The following PTP4A2 variants were observed in gnomAD, a reference collection of about 807,000 sequenced individuals.
PTP4A2 encodes the protein protein tyrosine phosphatase type IVA 2.
PTP4A2 carries 2 observed loss-of-function variants against 22.9 expected under a neutral mutation model. The ratio of observed to expected loss-of-function variants is 0.09; its 90% CI spans 0.04 to 0.27. The LOEUF (loss-of-function observed/expected upper bound fraction) is 0.27. Among genes scored for constraint, PTP4A2 ranks in the 10% least tolerant of loss-of-function variants. The probability of loss-of-function intolerance (pLI) is 1.00; values close to 1 mark genes in which losing one functional copy is unlikely to be tolerated. For synonymous variants in PTP4A2, 68 were observed against 69.1 expected (o/e 0.98, Z 0.08); for missense variants, 103 against 205.1 (o/e 0.50, Z 3.04).
chr1:31,917,106 CAGG>C (rs1177536915), intron 2 of PTP4A2, among the ~76,000 whole-genome samples: 7 of 152,174 alleles, frequency 4.6e-5, no homozygotes, highest in Admixed American at 1.3e-4. Context: ...TTTATAGTTG[CAGG>C]AGGACAGTGG....
Position 31,908,139 on chromosome 1 carries a change from ATTATATATATATATATAT to A in PTP4A2, c.*695_*712del, listed in dbSNP as rs1651302161. 1 of 4,248 alleles carries A rather than the reference ATTATATATATATATATAT, an allele frequency of 2.4e-4. No homozygotes were observed. The highest frequency in any genetic ancestry group is 3.7e-4 in the Non-Finnish European group (1 of 2,706). 0.3% of individuals were successfully genotyped at this position (4,248 alleles called of 1,614,324 possible). A position where few individuals can be genotyped will look rare whatever the true frequency, so the allele number is the denominator to read the frequency against. ...ATATATATATATATATATATATTAT[ATTATATATATATATATAT>A]ATATATATATATATATATATATATA... On this transcript the variant is annotated 3_prime_UTR_variant, in exon 6 of 6. Transcript: ENST00000647444.
chr1:31,920,772 A>C (rs968884722), intron 1 of PTP4A2, among the ~76,000 whole-genome samples: 1 of 152,022 alleles, frequency 6.6e-6, no homozygotes, highest in African/African-American at 2.4e-5. Context: ...TCCTGACCTC[A>C]GGTGATTCGC....
chr1:31,921,651 C>T (rs1027294451), intron 1 of PTP4A2: 1 of 152,134 alleles, frequency 6.6e-6, no homozygotes, highest in Non-Finnish European at 1.5e-5. Context: ...CTTTCACTTG[C>T]CTTTTCCCTA....
chr1:31,918,202 T>C (rs915364630), intron 2 of PTP4A2, among the ~76,000 whole-genome samples: 1 of 150,794 alleles, frequency 6.6e-6, no homozygotes, highest in Non-Finnish European at 1.5e-5. Context: ...TGAGCCGAGA[T>C]AGTGCCACTG....
chr1:31,921,087 A>G (rs1032224840), intron 1 of PTP4A2, among the ~76,000 whole-genome samples: 6 of 152,216 alleles, frequency 3.9e-5, no homozygotes, highest in African/African-American at 1.2e-4. Context: ...GTACTTTCCT[A>G]TATGATACTG....
chr1:31,928,066 C>T (rs1438836255), intron 1 of PTP4A2, among the ~76,000 whole-genome samples: 1 of 151,450 alleles, frequency 6.6e-6, no homozygotes, highest in Non-Finnish European at 1.5e-5. Context: ...ACAGTTCTAT[C>T]TATCCTCTGC....
At chr1:31,912,098 G>A (rs1041556550) in intron 3 of PTP4A2, among the ~76,000 whole-genome samples, 5 of 152,264 alleles carry the variant, frequency 3.3e-5, no homozygotes, top group Admixed American at 1.3e-4. Flanking sequence ...AAGAGCTAGT[G>A]TTCTCCCAAA....
At chr1:31,924,361 T>C (rs1338671767) in intron 1 of PTP4A2, among the ~76,000 whole-genome samples, 1 of 152,236 alleles carries the variant, frequency 6.6e-6, no homozygotes, top group East Asian at 1.9e-4. Flanking sequence ...AACAAGCTTC[T>C]GTTCCCTCCC....
At position 31,925,896 on chromosome 1, in the gene PTP4A2, AGCACTCTGG is replaced by A. The variant is rs988353936; in HGVS notation, c.-593-6247_-593-6239del. ...CACAGTGGCTCATGCCTGTAATCCC[AGCACTCTGG>A]GAGGCCACGGTGAGTGGATCACGAA... On this transcript the variant is annotated intron_variant, in intron 1 of 5. Coordinates refer to ENST00000647444, the MANE Select transcript of PTP4A2 (RefSeq NM_080391.4). Among the ~76,000 whole-genome samples, 76 of 152,190 alleles carry A rather than the reference AGCACTCTGG, an allele frequency of 5.0e-4. No homozygotes were observed. The Middle Eastern group carries it at 0.01, about 20-fold the overall frequency.
At chr1:31,923,079 A>G (rs1652267597) in intron 1 of PTP4A2, among the ~76,000 whole-genome samples, 1 of 148,678 alleles carries the variant, frequency 6.7e-6, no homozygotes. Flanking sequence ...TTACAGGCAT[A>G]TTTTTGTATT....
rs533694156 is a variant in PTP4A2 at position 31,919,145 on chromosome 1, T to C, written c.-80A>G. 1 of 719,646 alleles carries C rather than the reference T, an allele frequency of 1.4e-6. No homozygotes were observed. The highest frequency in any genetic ancestry group is 2.4e-5 in the Admixed American group (1 of 41,350). The allele number at this position is 719,646 out of a possible 1,614,324, so 44.6% of individuals were successfully genotyped here. On this transcript the variant is annotated 5_prime_UTR_variant, in exon 2 of 6. Coordinates refer to ENST00000647444, the MANE Select transcript of PTP4A2 (RefSeq NM_080391.4). The stretch of plus-strand genomic sequence containing the variant: ...AAAAAAATCAATAAATCTTGAAATG[T>C]TTCACAGCAGAAAACATTAAAAAGA...
chr1:31,923,329 CTTTTTTTTTTT>C (rs894382854), intron 1 of PTP4A2, among the ~76,000 whole-genome samples: 6 of 113,972 alleles, frequency 5.3e-5, no homozygotes, highest in Non-Finnish European at 7.2e-5. Context: ...GCCTCAACCT[CTTTTTTTTTTT>C]TTTTTTTTTT....
chr1:31,923,369 C>G (rs575418191), intron 1 of PTP4A2, among the ~76,000 whole-genome samples: 2 of 130,228 alleles, frequency 1.5e-5, no homozygotes, highest in African/African-American at 5.8e-5. Context: ...GAGTCTTGCT[C>G]TGTCGCCCAG....
chr1:31,936,484 C>T (rs1334985513), intron 1 of PTP4A2, among the ~76,000 whole-genome samples: 2 of 151,866 alleles, frequency 1.3e-5, no homozygotes, highest in African/African-American at 4.8e-5. Flanking sequence ...GCTTCTCGGC[C>T]TTTTGGCTAA....
chr1:31,930,785 A>G (rs891665121), intron 1 of PTP4A2: 1 of 152,246 alleles, frequency 6.6e-6, no homozygotes, highest in Non-Finnish European at 1.5e-5. Flanking sequence ...TAATTGTCCA[A>G]TAATGGCATC....
intron 1 of PTP4A2, among the ~76,000 whole-genome samples, chr1:31,923,404 G>A (rs1425477428): frequency 3.7e-5 from 5 of 135,078 alleles, no homozygotes; most frequent in Admixed American, 8.1e-5. Context: ...GCGCGATCTC[G>A]GCTCACTGCA....
chr1:31,922,270 G>A (rs1160455238), intron 1 of PTP4A2, among the ~76,000 whole-genome samples: 3 of 152,212 alleles, frequency 2.0e-5, no homozygotes, highest in African/African-American at 7.2e-5. Context: ...GATCACCTGA[G>A]GTCAGGAGTT....
chr1:31,933,562 C>G (rs1236954952), intron 1 of PTP4A2: 1 of 152,026 alleles, frequency 6.6e-6, no homozygotes, highest in African/African-American at 2.4e-5. Flanking sequence ...TAGCGAAACC[C>G]TGTCTCTACT....
At chr1:31,916,976 T>G (rs1651880972) in intron 2 of PTP4A2, among the ~76,000 whole-genome samples, 1 of 152,120 alleles carries the variant, frequency 6.6e-6, no homozygotes, top group Non-Finnish European at 1.5e-5. Flanking sequence ...AGAAAAAAAG[T>G]GGTATATTAA....
Sources: gnomAD v4.1 joint callset for allele counts (sites outside exome capture counted in the v4.1 genomes callset) on GRCh38, gnomAD v4.1.1 for gene constraint, MANE v1.5 for transcripts, NCBI Gene and HGNC (gene_info 2026-07-23, HGNC 2026-07-21) for gene names.